CCDC7: variants seen among roughly 807,000 people sequenced by gnomAD.
CCDC7 encodes coiled-coil domain containing 7, also known as coiled-coil domain-containing protein 7.
CCDC7 carries 183 observed loss-of-function variants against 196.9 expected under a neutral mutation model. The observed-to-expected ratio is 0.93, with a 90% CI of 0.82 to 1.05. The LOEUF (loss-of-function observed/expected upper bound fraction) is 1.05, where lower values mean the gene tolerates loss of function less well. Among genes scored for constraint, CCDC7 ranks in the 50% least tolerant of loss-of-function variants. The pLI is 0.00. For missense variants in CCDC7, 1,540 were observed against 1,482.2 expected, an observed-to-expected ratio of 1.04 and a Z score of -0.64; for synonymous variants, 525 against 484.6, an observed-to-expected ratio of 1.08 and a Z score of -1.10.
At chr10:32,874,332 C>T (rs2094529490) in intron 41 of CCDC7, among the ~76,000 whole-genome samples, 1 of 151,526 alleles carries the variant, frequency 6.6e-6, no homozygotes, top group Non-Finnish European at 1.5e-5. Flanking sequence ...CTTTTGTCCC[C>T]TGGCTGAATT....
At chr10:32,741,951 T>A (rs548744897) in intron 28 of CCDC7, among the ~76,000 whole-genome samples, 1 of 152,256 alleles carries the variant, frequency 6.6e-6, no homozygotes, top group Admixed American at 6.5e-5. Flanking sequence ...TCTAGTTAGG[T>A]TTTTTGCCTA....
intron 28 of CCDC7, among the ~76,000 whole-genome samples, chr10:32,741,339 G>A (rs1197784123): frequency 6.6e-6 from 1 of 152,154 alleles, no homozygotes; most frequent in Non-Finnish European, 1.5e-5. Flanking sequence ...TTAAAATTAT[G>A]CACATTGCTG....
chr10:32,688,122 C>T (rs2076672795), intron 22 of CCDC7, among the ~76,000 whole-genome samples: 2 of 152,058 alleles, frequency 1.3e-5, no homozygotes, highest in Admixed American at 6.5e-5. Context: ...TTTTAGGGCA[C>T]TCAGAATGAG....
At chr10:32,764,066 T>A (rs954830440) in intron 28 of CCDC7, among the ~76,000 whole-genome samples, 2 of 151,910 alleles carry the variant, frequency 1.3e-5, no homozygotes, top group African/African-American at 4.8e-5. Context: ...TCATACCCCA[T>A]AAATATATAC....
At chr10:32,791,792 A>G (rs2082738727) in intron 29 of CCDC7, among the ~76,000 whole-genome samples, 1 of 152,198 alleles carries the variant, frequency 6.6e-6, no homozygotes. Flanking sequence ...GGAGAAAGGG[A>G]TGGAAAGCTT....
intron 24 of CCDC7, among the ~76,000 whole-genome samples, chr10:32,701,168 T>C (rs1489946173): frequency 6.6e-6 from 1 of 152,230 alleles, no homozygotes; most frequent in African/African-American, 2.4e-5. Flanking sequence ...TTTTTGTCCA[T>C]TCAGTATGAT....
At chr10:32,710,314 A>C (rs759083045) in intron 24 of CCDC7, among the ~76,000 whole-genome samples, 2 of 152,180 alleles carry the variant, frequency 1.3e-5, no homozygotes, top group Non-Finnish European at 2.9e-5. Context: ...GCTGGGTCAT[A>C]AGCTGTCTGT....
intron 21 of CCDC7, among the ~76,000 whole-genome samples, chr10:32,684,957 A>AT (rs34155403): frequency 0.011 from 1,709 of 148,662 alleles, 33 homozygotes; most frequent in African/African-American, 0.041. Context: ...ATTTAATTTA[A>AT]TTTTTTTTTT....
intron 20 of CCDC7, among the ~76,000 whole-genome samples, chr10:32,638,137 C>T (rs1202651799): frequency 2.6e-5 from 4 of 152,132 alleles, no homozygotes; most frequent in Non-Finnish European, 2.9e-5. Context: ...TGGGCTGAGA[C>T]GATGGGGTTT....
intron 29 of CCDC7, 75 bp from the exon 31 acceptor site, chr10:32,804,930 TACACACACAC>T (rs35054696): frequency 1.1e-5 from 7 of 630,874 alleles, no homozygotes; most frequent in South Asian, 8.1e-5. Flanking sequence ...ATTAATTTAA[TACACACACAC>T]ACACACACAC....
intron 25 of CCDC7, among the ~76,000 whole-genome samples, chr10:32,720,099 T>G (rs1290689654): frequency 6.6e-6 from 1 of 152,162 alleles, no homozygotes; most frequent in Non-Finnish European, 1.5e-5. Flanking sequence ...ACACGTATGT[T>G]TATTGCAGCA....
At chr10:32,850,804 CACACACACACACACAG>C (rs1426629773) in intron 39 of CCDC7, among the ~76,000 whole-genome samples, 4 of 104,614 alleles carry the variant, frequency 3.8e-5, no homozygotes, top group Admixed American at 2.7e-4. Flanking sequence ...CACACACACA[CACACACACACACACAG>C]AGACATGCAA....
At position 32,786,393 on chromosome 10, in the gene CCDC7, A is replaced by G. The variant is rs144471604; in HGVS notation, c.3013+7309A>G. Among the ~76,000 whole-genome samples the G allele has an allele frequency of 6.6e-4, 100 of 152,358 alleles. 1 individual carries two copies. The highest frequency in any genetic ancestry group is 2.1e-4 in the Non-Finnish European group (14 of 68,036). On this transcript the variant is annotated intron_variant, in intron 29 of 41. Transcript: ENST00000639629. ...AAAAGAAGTAAGTATGGACAAATCA[A>G]AGGAGCAAAATAAATTGAGAGAAAC... is the stretch of plus-strand genomic sequence containing the variant.
chr10:32,540,923 C>T (rs778814892), intron 11 of CCDC7, among the ~76,000 whole-genome samples: 21 of 152,200 alleles, frequency 1.4e-4, no homozygotes, highest in African/African-American at 4.6e-4. Context: ...TCCTCTCTAG[C>T]GAGGTTGGGT....
intron 18 of CCDC7, 73 bp from the exon 20 acceptor site, chr10:32,634,181 A>T (rs1230455384): frequency 1.6e-6 from 1 of 607,606 alleles, no homozygotes; most frequent in Non-Finnish European, 2.4e-6. Context: ...TACATGTTTA[A>T]AATGTGAAAT....
intron 13 of CCDC7, among the ~76,000 whole-genome samples, chr10:32,545,110 A>G (rs892493279): frequency 1.3e-5 from 2 of 152,186 alleles, no homozygotes; most frequent in Admixed American, 6.5e-5. Flanking sequence ...TCTAGAAGCT[A>G]AAGACTTAAT....
chr10:32,633,179 TACAC>T (rs1457094698), intron 18 of CCDC7, among the ~76,000 whole-genome samples: 3 of 151,208 alleles, frequency 2.0e-5, no homozygotes, highest in Non-Finnish European at 2.9e-5. Flanking sequence ...AGTTTGCACA[TACAC>T]ACAGGGCTCC....
intron 9 of CCDC7, among the ~76,000 whole-genome samples, chr10:32,494,536 C>G (rs948653996): frequency 3.3e-5 from 5 of 152,096 alleles, no homozygotes; most frequent in Admixed American, 3.3e-4. Flanking sequence ...CTAATGCTAT[C>G]CCTCCTCTAG....
At chr10:32,544,034 C>T (rs898688352) in intron 12 of CCDC7, among the ~76,000 whole-genome samples, 2 of 151,908 alleles carry the variant, frequency 1.3e-5, no homozygotes, top group African/African-American at 4.8e-5. Flanking sequence ...TCAGTCTTTT[C>T]ACATTTTAAT....
Sources: gnomAD v4.1 joint callset for allele counts (sites outside exome capture counted in the v4.1 genomes callset) on GRCh38, gnomAD v4.1.1 for gene constraint, MANE v1.5 for transcripts, NCBI Gene and HGNC (gene_info 2026-07-23, HGNC 2026-07-21) for gene names.